ITPR2: variants seen among roughly 807,000 people sequenced by gnomAD.
ITPR2 encodes inositol 1,4,5-trisphosphate-gated calcium channel ITPR2.
Under a neutral mutation model 317.1 loss-of-function variants are expected in ITPR2, and 207 were observed. That is an observed-to-expected ratio of 0.65 (90% CI 0.58 to 0.73). The LOEUF (loss-of-function observed/expected upper bound fraction) is 0.73. Ranked by LOEUF, ITPR2 falls within the 30% of genes least tolerant of loss-of-function variation. The probability of loss-of-function intolerance (pLI) is 0.00; values close to 1 mark genes in which losing one functional copy is unlikely to be tolerated. For missense variants in ITPR2, 2,613 were observed against 3,284.0 expected (o/e 0.80, Z 4.99); for synonymous variants, 1,156 against 1,149.1 (o/e 1.01, Z -0.12).
intron 8 of ITPR2, among the ~76,000 whole-genome samples, chr12:26,713,551 G>A (rs1396490368): frequency 6.6e-6 from 1 of 152,214 alleles, no homozygotes; most frequent in East Asian, 1.9e-4. Flanking sequence ...TGGTCAATGT[G>A]TCACAGCATT....
chr12:26,527,762 C>T (rs368276014), intron 37 of ITPR2, among the ~76,000 whole-genome samples: 96 of 152,266 alleles, frequency 6.3e-4, no homozygotes, highest in South Asian at 3.9e-3. Context: ...TACAATATCT[C>T]CCACAGAAAC....
intron 1 of ITPR2, among the ~76,000 whole-genome samples, chr12:26,797,253 C>T (rs1950463207): frequency 6.6e-6 from 1 of 152,050 alleles, no homozygotes; most frequent in Non-Finnish European, 1.5e-5. Context: ...TTTAGGAATA[C>T]ACATGGGGTA....
At chr12:26,414,515 G>A (rs1433568646) in intron 51 of ITPR2, among the ~76,000 whole-genome samples, 3 of 152,004 alleles carry the variant, frequency 2.0e-5, no homozygotes, top group Non-Finnish European at 2.9e-5. Flanking sequence ...CATTAGCAAA[G>A]TGCAGAACTA....
chr12:26,349,528 T>C (rs543723304), intron 55 of ITPR2, among the ~76,000 whole-genome samples: 1 of 152,380 alleles, frequency 6.6e-6, no homozygotes, highest in South Asian at 2.1e-4. Flanking sequence ...CTTGAAATAT[T>C]GCTCAAATCT....
chr12:26,655,874 A>G, intron 19 of ITPR2, 22 bp from the exon 20 acceptor site: 4 of 1,596,028 alleles, frequency 2.5e-6, no homozygotes, highest in Non-Finnish European at 3.4e-6. Flanking sequence ...GAAAGAAGAT[A>G]ACGCAAGTTA....
intron 21 of ITPR2, among the ~76,000 whole-genome samples, chr12:26,651,480 T>C (rs1947253571): frequency 6.6e-6 from 1 of 152,246 alleles, no homozygotes; most frequent in African/African-American, 2.4e-5. Context: ...ATTTCATTTC[T>C]TCTTGGGTTT....
intron 37 of ITPR2, among the ~76,000 whole-genome samples, chr12:26,498,462 T>C (rs1223009838): frequency 6.6e-6 from 1 of 152,216 alleles, no homozygotes; most frequent in Non-Finnish European, 1.5e-5. Context: ...CGCCTTTGGG[T>C]AATTACTGCG....
intron 23 of ITPR2, 132 bp from the exon 24 acceptor site, chr12:26,624,488 T>G: frequency 4.8e-6 from 3 of 622,448 alleles, no homozygotes; most frequent in Admixed American, 2.9e-5. Flanking sequence ...CAATTAACAC[T>G]AATAATCTGA....
intron 45 of ITPR2, among the ~76,000 whole-genome samples, chr12:26,445,294 C>T (rs961419060): frequency 5.9e-5 from 9 of 152,064 alleles, no homozygotes; most frequent in African/African-American, 1.2e-4. Flanking sequence ...AGACGAGGAG[C>T]GGGCTGTTGG....
At chr12:26,647,024 G>T (rs1223895745) in intron 21 of ITPR2, among the ~76,000 whole-genome samples, 1 of 152,212 alleles carries the variant, frequency 6.6e-6, no homozygotes, top group Non-Finnish European at 1.5e-5. Context: ...AAATTATGGT[G>T]AGTTCAAGGA....
intron 52 of ITPR2, among the ~76,000 whole-genome samples, chr12:26,402,486 T>C (rs187967958): frequency 1.3e-5 from 2 of 152,322 alleles, no homozygotes; most frequent in Non-Finnish European, 2.9e-5. Context: ...AATAAGATTG[T>C]TTGTTCTCTA....
chr12:26,621,777 A>G (rs1314268896), intron 25 of ITPR2, among the ~76,000 whole-genome samples: 1 of 152,216 alleles, frequency 6.6e-6, no homozygotes, highest in Non-Finnish European at 1.5e-5. Flanking sequence ...GCACTTACGT[A>G]TTACTAATTA....
chr12:26,455,344 TAAA>T (rs10687003), intron 45 of ITPR2, among the ~76,000 whole-genome samples: 2,511 of 66,276 alleles, frequency 0.038, 83 homozygotes, highest in African/African-American at 0.12. Context: ...CAACAGCTGC[TAAA>T]AAAAAAAAAA....
intron 4 of ITPR2, among the ~76,000 whole-genome samples, chr12:26,724,017 A>T (rs1298405599): frequency 6.6e-6 from 1 of 152,166 alleles, no homozygotes; most frequent in African/African-American, 2.4e-5. Context: ...CCCCGATTTC[A>T]ATTTATTCAT....
intron 21 of ITPR2, among the ~76,000 whole-genome samples, chr12:26,640,210 T>G (rs1319514905): frequency 6.6e-6 from 1 of 152,182 alleles, no homozygotes; most frequent in East Asian, 1.9e-4. Context: ...CCCTCTTCAG[T>G]CATTCTCATT....
At chr12:26,532,765 C>A (rs1395622958) in intron 37 of ITPR2, among the ~76,000 whole-genome samples, 2 of 152,166 alleles carry the variant, frequency 1.3e-5, no homozygotes, top group African/African-American at 2.4e-5. Flanking sequence ...TGGCTCACTG[C>A]AACCTTCACC....
At chr12:26,465,250 G>A (rs1318228067) in intron 45 of ITPR2, among the ~76,000 whole-genome samples, 1 of 152,218 alleles carries the variant, frequency 6.6e-6, no homozygotes, top group Non-Finnish European at 1.5e-5. Flanking sequence ...ATATTTCACA[G>A]AAAGGAGAGT....
chr12:26,391,668 G>A (rs982803749), intron 54 of ITPR2, among the ~76,000 whole-genome samples: 6 of 146,514 alleles, frequency 4.1e-5, no homozygotes, highest in African/African-American at 1.5e-4. Context: ...AGGTTTAAGC[G>A]ATTCTCCTGC....
chr12:26,511,794 G>C (rs1943354111), intron 37 of ITPR2, among the ~76,000 whole-genome samples: 1 of 152,206 alleles, frequency 6.6e-6, no homozygotes, highest in Non-Finnish European at 1.5e-5. Flanking sequence ...CCAACGCATA[G>C]ACAGCTGGAG....
Sources: allele counts gnomAD v4.1 joint callset (sites outside exome capture counted in the v4.1 genomes callset), GRCh38; gene constraint gnomAD v4.1.1; transcripts MANE v1.5; gene names NCBI Gene and HGNC (gene_info 2026-07-23, HGNC 2026-07-21).